The following ACTC1 variants were observed in gnomAD, a reference collection of about 807,000 sequenced individuals.
The protein encoded by ACTC1 is actin, alpha cardiac muscle 1.
In ACTC1, 10 loss-of-function variants were observed where a neutral mutation model predicts 31.6. The observed-to-expected ratio is 0.32, with a 90% confidence interval of 0.19 to 0.54. The LOEUF is 0.54. Ranked by LOEUF, ACTC1 falls within the 20% of genes least tolerant of loss-of-function variation. ACTC1 has a pLI of 0.95. For synonymous variants in ACTC1, 196 were observed against 185.0 expected (o/e 1.06, Z -0.48); for missense variants, 129 against 506.4 (o/e 0.25, Z 7.15).
Position 34,792,629 on chromosome 15 carries a change from C to T in ACTC1, c.455-60G>A, listed in dbSNP as rs1171993405. The T allele has an allele frequency of 2.5e-6, 4 of 1,592,908 alleles. No homozygotes were observed. The highest frequency in any genetic ancestry group is 3.4e-6 in the Non-Finnish European group (4 of 1,161,518). ...CCTGAGGACAACACCACTGCTCTAGCCACGGCAAAGCCCGCTTCCAATCTT... is the reference window on the plus strand; with the variant it reads ...CCTGAGGACAACACCACTGCTCTAGTCACGGCAAAGCCCGCTTCCAATCTT... On this transcript the variant is annotated intron_variant, in intron 3 of 6. Transcript: ENST00000290378. This position sits in a 1 kb window ranked among gnomAD's most constrained non-coding sequence, Gnocchi z 5.3.
chr15:34,791,163 C>T lies in ACTC1; in HGVS notation c.941G>A (p.Arg314His), dbSNP rs121912673. 9.9e-6 allele frequency: 16 copies of T among 1,611,378 alleles called. No individual in the cohort carries two copies. The highest frequency in any genetic ancestry group is 1.7e-5 in the Admixed American group (1 of 59,980). ...CAGAGCAGTGATTTCCTTCTGCATA[C>T]GATCAGCAATACCAGGGTACATAGT... is the stretch of plus-strand genomic sequence containing the variant. ...GTTMYPGIAD[R>H]MQKEITALAP... The change falls in exon 6 of 7, where the codon CGT (arginine) becomes CAT (histidine). Residue 314 changes from arginine (R) to histidine (H), a missense_variant. Arg to His is a conservative substitution (Grantham distance 29). Transcript: ENST00000290378.
Position 34,792,035 on chromosome 15 carries a change from A to G in ACTC1, c.808+55T>C. The G allele has an allele frequency of 6.3e-7, 1 of 1,596,452 alleles. No homozygotes were observed. Reference sequence around the variant, plus strand: ...TGAGCCTTCTAGATTTTACTCTGGGAGACCCTAAGATTTCCAGGGAAAATC... The same window carrying G: ...TGAGCCTTCTAGATTTTACTCTGGGGGACCCTAAGATTTCCAGGGAAAATC... On this transcript the variant is annotated intron_variant, in intron 5 of 6. Transcript: ENST00000290378. This position sits in a 1 kb window ranked among gnomAD's most constrained non-coding sequence, Gnocchi z 5.3.
At position 34,793,573 on chromosome 15, in the gene ACTC1, T is replaced by A. The variant is rs772110994; in HGVS notation, c.130-4A>T. ...GACCCATACCCACCATAACTCCCTA[T>A]GAGAAGAAAAAATGAGAAAATCATG... On this transcript the variant is annotated splice_polypyrimidine_tract_variant and splice_region_variant and intron_variant, in intron 2 of 6. Coordinates refer to ENST00000290378, the MANE Select transcript of ACTC1 (RefSeq NM_005159.5). This position sits in a 1 kb window ranked among gnomAD's most constrained non-coding sequence, Gnocchi z 4.8. 12 of 1,613,472 alleles carry A rather than the reference T, an allele frequency of 7.4e-6. No homozygotes were observed. Among genetic ancestry groups the A allele is most frequent in the Non-Finnish European group, 9.3e-6 (11 of 1,179,776 alleles).
chr15:34,794,713 G>C lies in ACTC1; in HGVS notation c.96C>G (p.Val32=). 1 of 1,613,050 alleles carries C rather than the reference G, an allele frequency of 6.2e-7. No individual in the cohort carries two copies. Among genetic ancestry groups the C allele is most frequent in the Non-Finnish European group, 8.5e-7 (1 of 1,179,676 alleles). The change falls in exon 2 of 7, where the codon GTC becomes GTG. Residue 32 remains valine, a synonymous_variant. Coordinates refer to ENST00000290378, the MANE Select transcript of ACTC1 (RefSeq NM_005159.5). ...GCGGGCGGCCCACGATGGACGGGAA[G>C]ACAGCGCGGGGCGCGTCATCGCCCG... ...GFAGDDAPRA[V]FPSIVGRPRH... is the part of the protein sequence containing the mutation.
Position 34,793,186 on chromosome 15 carries a change from G to C in ACTC1, c.454+59C>G. On this transcript the variant is annotated intron_variant, in intron 3 of 6. Coordinates refer to ENST00000290378, the MANE Select transcript of ACTC1 (RefSeq NM_005159.5). The surrounding 1 kb of genome is among the most constrained non-coding windows in gnomAD (Gnocchi z 4.8). ...TTTCAACTGGGGGATCTGATTCACA[G>C]CAAGGTCGGTGACTTGGGAATGTGA... 4.5e-6 allele frequency: 7 copies of C among 1,547,628 alleles called. No individual in the cohort carries two copies. Among genetic ancestry groups the C allele is most frequent in the Non-Finnish European group, 6.2e-6 (7 of 1,121,300 alleles).
rs1184245705 is a variant in ACTC1, at chr15:34,792,305, G to T, written c.617-24C>A. On this transcript the variant is annotated intron_variant, in intron 4 of 6. Coordinates refer to ENST00000290378, the MANE Select transcript of ACTC1 (RefSeq NM_005159.5). This position sits in a 1 kb window ranked among gnomAD's most constrained non-coding sequence, Gnocchi z 5.3. ...AGCTACAGAAATAAAGAGTATCACA[G>T]TCATGCTCTGAAGCAAGAAGTCAAT... 3 of 1,614,138 alleles carry T rather than the reference G, an allele frequency of 1.9e-6. No homozygotes were observed. The highest frequency in any genetic ancestry group is 1.6e-4 in the Middle Eastern group (1 of 6,062).
rs1891785866 is a variant in ACTC1 at position 34,794,838 on chromosome 15, T to C, written c.-22-8A>G. On this transcript the variant is annotated splice_region_variant and splice_polypyrimidine_tract_variant and intron_variant, in intron 1 of 6. Transcript: ENST00000290378. Reference sequence around the variant, plus strand: ...GCACAGCTTCAGGGGGTTCTGCAGGTTGAGGAGGGGAGGGCGGACCACGCT... The same window carrying C: ...GCACAGCTTCAGGGGGTTCTGCAGGCTGAGGAGGGGAGGGCGGACCACGCT... 6.2e-7 allele frequency: 1 copy of C among 1,607,888 alleles called. No individual in the cohort carries two copies. The highest frequency in any genetic ancestry group is 1.3e-5 in the African/African-American group (1 of 74,710).
rs1024730411 is a variant in ACTC1 at position 34,793,175 on chromosome 15, T to C, written c.454+70A>G. 9 of 1,486,426 alleles carry C rather than the reference T, an allele frequency of 6.1e-6. No homozygotes were observed. The highest frequency in any genetic ancestry group is 8.4e-6 in the Non-Finnish European group (9 of 1,067,152). The allele number at this position is 1,486,426 out of a possible 1,614,324, so 92.1% of individuals were successfully genotyped here. On this transcript the variant is annotated intron_variant, in intron 3 of 6. Coordinates refer to ENST00000290378, the MANE Select transcript of ACTC1 (RefSeq NM_005159.5). The surrounding 1 kb of genome is among the most constrained non-coding windows in gnomAD (Gnocchi z 4.8). ...GATTATCCCTTTTTCAACTGGGGGATCTGATTCACAGCAAGGTCGGTGACT... is the reference window on the plus strand; with the variant it reads ...GATTATCCCTTTTTCAACTGGGGGACCTGATTCACAGCAAGGTCGGTGACT...
Position 34,792,778 on chromosome 15 carries a change from T to C in ACTC1, c.455-209A>G. 1 of 603,868 alleles carries C rather than the reference T, an allele frequency of 1.7e-6. No homozygotes were observed. The highest frequency in any genetic ancestry group is 2.0e-5 in the South Asian group (1 of 50,576). 37.4% of individuals were successfully genotyped at this position (603,868 alleles called of 1,614,324 possible). On this transcript the variant is annotated intron_variant, in intron 3 of 6. Transcript: ENST00000290378. This position sits in a 1 kb window ranked among gnomAD's most constrained non-coding sequence, Gnocchi z 5.3. Reference sequence around the variant, plus strand: ...AACTGCAGCTCATCTTTTTAACTATTATAGTAGAAAAAATTCCCGAGGACA... The same window carrying C: ...AACTGCAGCTCATCTTTTTAACTATCATAGTAGAAAAAATTCCCGAGGACA...
Position 34,792,309 on chromosome 15 carries a change from T to G in ACTC1, c.617-28A>C. ...ACAGAAATAAAGAGTATCACAGTCA[T>G]GCTCTGAAGCAAGAAGTCAATTATA... On this transcript the variant is annotated intron_variant, in intron 4 of 6. Coordinates refer to ENST00000290378, the MANE Select transcript of ACTC1 (RefSeq NM_005159.5). This position sits in a 1 kb window ranked among gnomAD's most constrained non-coding sequence, Gnocchi z 5.3. 1 of 1,614,152 alleles carries G rather than the reference T, an allele frequency of 6.2e-7. No homozygotes were observed. The highest frequency in any genetic ancestry group is 8.5e-7 in the Non-Finnish European group (1 of 1,179,996).
At chr15:34,795,101 A>T (rs961457265) in intron 1 of ACTC1, among the ~76,000 whole-genome samples, 2 of 152,096 alleles carry the variant, frequency 1.3e-5, no homozygotes, top group African/African-American at 4.8e-5. Context: ...GGAGGGACCC[A>T]AGAAACCCAG....
At chr15:34,791,970 G>A (rs895293994) in intron 5 of ACTC1, 120 bp downstream of exon 5, 5 of 1,044,532 alleles carry the variant, frequency 4.8e-6, no homozygotes, top group African/African-American at 3.2e-5. Flanking sequence ...TGAGCTGTGT[G>A]GGAATCCAAA....
At position 34,791,212 on chromosome 15, in the gene ACTC1, T is replaced by C. The variant is rs1595760259; in HGVS notation, c.892A>G (p.Asn298Asp). 1 of 1,613,992 alleles carries C rather than the reference T, an allele frequency of 6.2e-7. No individual in the cohort carries two copies. Among genetic ancestry groups the C allele is most frequent in the East Asian group, 2.2e-5 (1 of 44,870 alleles). Residue 298 changes from asparagine (N) to aspartate (D), a missense_variant, in exon 6 of 7, where the codon AAC becomes GAC. Physicochemically the swap from Asn to Asp is conservative, Grantham distance 23. Transcript: ENST00000290378. ...DIDIRKDLYA[N>D]NVLSGGTTMY... ...GTGGTGCCTCCAGATAAGACATTGT[T>C]GGCATACAGGTCCTTGCGGATATCA...
At position 34,792,572 on chromosome 15, in the gene ACTC1, GC is replaced by G. The variant is rs1178667520; in HGVS notation, c.455-4del. ...ATCCCCAGAGTCCAGAACAATGCCT[GC>G]CCGGGGAAGTAGACAAGAACAAGGT... On this transcript the variant is annotated splice_region_variant and splice_polypyrimidine_tract_variant and intron_variant, in intron 3 of 6. Coordinates refer to ENST00000290378, the MANE Select transcript of ACTC1 (RefSeq NM_005159.5). This position sits in a 1 kb window ranked among gnomAD's most constrained non-coding sequence, Gnocchi z 5.3. The G allele has an allele frequency of 2.9e-5, 46 of 1,614,018 alleles. No homozygotes were observed. The Middle Eastern group carries it at 2.6e-3, about 92-fold the overall frequency.
chr15:34,794,998 G>A (rs1372293103), intron 1 of ACTC1, among the ~76,000 whole-genome samples, 168 bp from the exon 2 acceptor site: 1 of 152,194 alleles, frequency 6.6e-6, no homozygotes, highest in African/African-American at 2.4e-5. Context: ...AAAAGGGAGG[G>A]AAGAAGCCGC....
intron 6 of ACTC1, 65 bp from the exon 7 acceptor site, chr15:34,790,620 A>T: frequency 1.3e-6 from 2 of 1,581,110 alleles, no homozygotes; most frequent in African/African-American, 1.3e-5. Flanking sequence ...CAAATAACAC[A>T]TTGGGAGGAT....
At position 34,793,388 on chromosome 15, in the gene ACTC1, G is replaced by A. The variant is rs1405829098; in HGVS notation, c.311C>T (p.Pro104Leu). 1 of 1,613,984 alleles carries A rather than the reference G, an allele frequency of 6.2e-7. No individual in the cohort carries two copies. The highest frequency in any genetic ancestry group is 8.5e-7 in the Non-Finnish European group (1 of 1,180,008). The change falls in exon 3 of 7, where the codon CCC becomes CTC. Residue 104 changes from proline (P) to leucine (L), a missense_variant. Pro to Leu is a moderately conservative substitution (Grantham distance 98). Transcript: ENST00000290378. The surrounding 1 kb of genome is among the most constrained non-coding windows in gnomAD (Gnocchi z 4.8). ...CAGCGGGGCCTCTGTGAGCAGGGTG[G>A]GGTGCTCCTCGGGAGCCACACGGAG... The part of the protein sequence containing the change: ...NELRVAPEEH[P>L]TLLTEAPLNP...
In ACTC1 at chr15:34,792,367, A is replaced by G. The variant is rs1251172237; in HGVS notation, c.616+41T>C. On this transcript the variant is annotated intron_variant, in intron 4 of 6. Transcript: ENST00000290378. This position sits in a 1 kb window ranked among gnomAD's most constrained non-coding sequence, Gnocchi z 5.3. ...AGGCGGATTCAGTGAGAGAGGAGGA[A>G]AGCAGACCCACACTGTGGCAGATGA... 6.2e-7 allele frequency: 1 copy of G among 1,614,146 alleles called. No homozygotes were observed. Among genetic ancestry groups the G allele is most frequent in the Admixed American group, 1.7e-5 (1 of 60,020 alleles).
Position 34,794,823 on chromosome 15 carries a change from A to G in ACTC1, c.-15T>C. 6.2e-7 allele frequency: 1 copy of G among 1,608,772 alleles called. No homozygotes were observed. Among genetic ancestry groups the G allele is most frequent in the South Asian group, 1.1e-5 (1 of 90,910 alleles). ...TCGTCACACATCTTGGCACAGCTTC[A>G]GGGGGTTCTGCAGGTTGAGGAGGGG... On this transcript the variant is annotated 5_prime_UTR_variant, in exon 2 of 7. Coordinates refer to ENST00000290378, the MANE Select transcript of ACTC1 (RefSeq NM_005159.5).
Sources: allele counts gnomAD v4.1 joint callset (sites outside exome capture counted in the v4.1 genomes callset), GRCh38; gene constraint gnomAD v4.1.1; non-coding constraint Gnocchi (gnomAD v3.1); transcripts MANE v1.5; gene names NCBI Gene and HGNC (gene_info 2026-07-23, HGNC 2026-07-21).